The following ZNF608 variants were observed in gnomAD, a reference collection of about 807,000 sequenced individuals.
ZNF608 encodes the protein zinc finger protein 608.
ZNF608 carries 12 observed loss-of-function variants against 109.0 expected under a neutral mutation model. That is an observed-to-expected ratio of 0.11 (90% CI 0.07 to 0.18). The LOEUF is 0.18. Among genes scored for constraint, ZNF608 ranks in the 10% least tolerant of loss-of-function variants. The pLI is 1.00. For missense variants in ZNF608, 1,707 were observed against 1,879.3 expected (o/e 0.91, Z 1.70); for synonymous variants, 732 against 717.4 (o/e 1.02, Z -0.33).
intron 5 of ZNF608, 59 bp downstream of exon 5, chr5:124,646,620 T>G: frequency 6.5e-7 from 1 of 1,538,268 alleles, no homozygotes; most frequent in Non-Finnish European, 8.8e-7. Context: ...AGCCCAGACA[T>G]GTATAATACA....
At chr5:124,694,616 C>A (rs1287692664) in intron 3 of ZNF608, among the ~76,000 whole-genome samples, 1 of 152,058 alleles carries the variant, frequency 6.6e-6, no homozygotes, top group Non-Finnish European at 1.5e-5. Flanking sequence ...TACATGTGCA[C>A]AACCTGCCAG....
chr5:124,710,047 AT>A, intron 2 of ZNF608: 1 of 262,640 alleles, frequency 3.8e-6, no homozygotes, highest in Non-Finnish European at 7.7e-6. Context: ...CAATAAATCA[AT>A]TTCAAAACAC....
intron 3 of ZNF608, among the ~76,000 whole-genome samples, chr5:124,679,070 T>G (rs1323884173): frequency 6.6e-6 from 1 of 152,234 alleles, no homozygotes; most frequent in East Asian, 1.9e-4. Flanking sequence ...TTAGCAGCTT[T>G]GCCTGCATCA....
chr5:124,685,182 T>G (rs1752358977), intron 3 of ZNF608, among the ~76,000 whole-genome samples: 1 of 152,214 alleles, frequency 6.6e-6, no homozygotes, highest in South Asian at 2.1e-4. Flanking sequence ...AAAAAGAAGT[T>G]CATACGTAAT....
chr5:124,651,812 G>A (rs1750793958), intron 3 of ZNF608, among the ~76,000 whole-genome samples: 1 of 152,242 alleles, frequency 6.6e-6, no homozygotes, highest in African/African-American at 2.4e-5. Flanking sequence ...GGCAGCGGTC[G>A]GGTAGAGGTG....
intron 3 of ZNF608, among the ~76,000 whole-genome samples, chr5:124,693,972 A>ATGTTTTTTTTTTTTTT (rs1561564262): frequency 1.3e-4 from 3 of 23,300 alleles, no homozygotes; most frequent in African/African-American, 7.0e-4. Flanking sequence ...CATTTCATTA[A>ATGTTTTTTTTTTTTTT]TCTTTTTTTT....
At chr5:124,667,010 A>G (rs1296626514) in intron 3 of ZNF608, among the ~76,000 whole-genome samples, 1 of 152,166 alleles carries the variant, frequency 6.6e-6, no homozygotes, top group Non-Finnish European at 1.5e-5. Flanking sequence ...AAATATGGCC[A>G]GTACAGATGC....
Position 124,693,972 on chromosome 5 carries a change from A to ATGTTTTTTTTTTT in ZNF608, c.1162+7041_1162+7042insAAAAAAAAAAACA, listed in dbSNP as rs1561564262. Among the ~76,000 whole-genome samples, 22 of 23,298 alleles carry ATGTTTTTTTTTTT rather than the reference A, an allele frequency of 9.4e-4. 2 individuals are homozygous for ATGTTTTTTTTTTT. The highest frequency in any genetic ancestry group is 5.1e-3 in the African/African-American group (22 of 4,310). The allele number at this position is 23,298 out of a possible 152,430, so 15.3% of individuals were successfully genotyped here. ...CTGTGAAGCTGGTAACATTTCATTA[A>ATGTTTTTTTTTTT]TCTTTTTTTTTTTTTTTTTTTGAGA... On this transcript the variant is annotated intron_variant, in intron 3 of 9. Transcript: ENST00000513986.
intron 2 of ZNF608, 89 bp downstream of exon 2, chr5:124,743,995 G>A: frequency 3.3e-6 from 5 of 1,495,098 alleles, no homozygotes; most frequent in Non-Finnish European, 4.5e-6. Flanking sequence ...AAAGCATAAA[G>A]TGTAAGGCAC....
At chr5:124,736,288 CAAAT>C (rs1220218946) in intron 2 of ZNF608, among the ~76,000 whole-genome samples, 4 of 152,164 alleles carry the variant, frequency 2.6e-5, no homozygotes, top group African/African-American at 4.8e-5. Context: ...GAACCACACA[CAAAT>C]AAACAGTTCT....
At chr5:124,733,873 TATATCTAAGAAA>T in intron 2 of ZNF608, among the ~76,000 whole-genome samples, 1 of 152,210 alleles carries the variant, frequency 6.6e-6, no homozygotes. Flanking sequence ...ATATACCCTA[TATATCTAAGAAA>T]TAATTTTGAA....
At chr5:124,735,293 C>T (rs1200233855) in intron 2 of ZNF608, 1 of 152,208 alleles carries the variant, frequency 6.6e-6, no homozygotes, top group Non-Finnish European at 1.5e-5. Context: ...GAGGTGAAGG[C>T]GTCGTGAAGA....
At chr5:124,722,647 A>G (rs1158940870) in intron 2 of ZNF608, among the ~76,000 whole-genome samples, 1 of 151,652 alleles carries the variant, frequency 6.6e-6, no homozygotes, top group Non-Finnish European at 1.5e-5. Flanking sequence ...ACTATTCCTA[A>G]CATCTCCCTT....
intron 9 of ZNF608, chr5:124,638,708 A>G: frequency 3.0e-6 from 1 of 334,458 alleles, no homozygotes. Context: ...TAATATTAAT[A>G]ATTTAATTCC....
At position 124,637,376 on chromosome 5, in the gene ZNF608, C is replaced by G. The variant is rs1750025062; in HGVS notation, c.*524G>C. On this transcript the variant is annotated 3_prime_UTR_variant, in exon 10 of 10. Coordinates refer to ENST00000513986, the MANE Select transcript of ZNF608 (RefSeq NM_020747.3). ...CTGGTGCGTCTTTAACAGGAGCCAC[C>G]AAATAGACATCTAAATTGTACCAAA... 6.6e-6 allele frequency: 1 copy of G among 152,466 alleles called. No homozygotes were observed. Among genetic ancestry groups the G allele is most frequent in the African/African-American group, 2.4e-5 (1 of 41,384 alleles). 9.4% of individuals were successfully genotyped at this position (152,466 alleles called of 1,614,324 possible).
chr5:124,717,339 C>T (rs761834484), intron 2 of ZNF608, among the ~76,000 whole-genome samples: 9 of 151,422 alleles, frequency 5.9e-5, no homozygotes, highest in Non-Finnish European at 8.8e-5. Flanking sequence ...GGCATGGTGG[C>T]AAGCACCTGT....
chr5:124,680,661 T>TCTCCAA (rs1157841788), intron 3 of ZNF608, among the ~76,000 whole-genome samples: 1 of 151,656 alleles, frequency 6.6e-6, no homozygotes, highest in Non-Finnish European at 1.5e-5. Context: ...TTGAGGAAAG[T>TCTCCAA]CTCCAACAAA....
At chr5:124,739,159 C>T (rs1054093687) in intron 2 of ZNF608, among the ~76,000 whole-genome samples, 1 of 152,146 alleles carries the variant, frequency 6.6e-6, no homozygotes, top group Non-Finnish European at 1.5e-5. Flanking sequence ...TGTCAGGCCA[C>T]TCAGAGATAA....
At position 124,716,163 on chromosome 5, in the gene ZNF608, A is replaced by AG. The variant is rs1753696551; in HGVS notation, c.907-14895dup. Among the ~76,000 whole-genome samples the AG allele has an allele frequency of 2.1e-5, 3 of 145,780 alleles. No homozygotes were observed. The South Asian group carries it at 6.4e-4, about 31-fold the overall frequency. ...GTCTCAAAAAAAAAAAAAAAAAAAA[A>AG]GAAAAGAAAGAAACTCTAATATAGT... On this transcript the variant is annotated intron_variant, in intron 2 of 9. Transcript: ENST00000513986.
Sources: gnomAD v4.1 joint callset for allele counts (sites outside exome capture counted in the v4.1 genomes callset) on GRCh38, gnomAD v4.1.1 for gene constraint, MANE v1.5 for transcripts, NCBI Gene and HGNC (gene_info 2026-07-23, HGNC 2026-07-21) for gene names.